Variants in OR7G3 observed in about 807,000 individuals in gnomAD.
The protein encoded by OR7G3 is olfactory receptor family 7 subfamily G member 3, also known as olfactory receptor 7G3.
For synonymous variants in OR7G3, 143 were observed against 157.6 expected, an observed-to-expected ratio of 0.91 and a Z score of 0.69; for missense variants, 352 against 372.1, an observed-to-expected ratio of 0.95 and a Z score of 0.44.
chr19:9,126,893 C>A lies in OR7G3; in HGVS notation c.58G>T (p.Asp20Tyr). Residue 20 changes from aspartate to tyrosine, a missense_variant, in exon 1 of 1, where the codon GAT becomes TAT. Coordinates refer to ENST00000305444, the MANE Select transcript of OR7G3 (RefSeq NM_001001958.1). ...AAGAGGATGGGCTGCAGCTCCGGAT[C>A]CCCTGACAATCCCAAGAGAAAGAAT... ...PEFFLLGLSG[D>Y]PELQPILFML... 6.2e-7 allele frequency: 1 copy of A among 1,609,822 alleles called. No individual in the cohort carries two copies. The highest frequency in any genetic ancestry group is 8.5e-7 in the Non-Finnish European group (1 of 1,177,916).
rs17001893 is a variant in OR7G3 at position 9,126,587 on chromosome 19, G to A, written c.364C>T (p.Arg122Ter). Residue 122 changes from arginine (R) to a stop codon, truncating the protein, a stop_gained, in exon 1 of 1, where the codon CGA (arginine) becomes TGA (stop). Transcript: ENST00000305444. LOFTEE classifies it low-confidence loss of function (END_TRUNC). The stretch of plus-strand genomic sequence containing the variant: ...AGTGGGTGACAGATGGCCACAAATC[G>A]ATCATAGGCCATCATGACCAGAATT... The part of the protein sequence containing the change: ...NGILVMMAYD[R>*]FVAICHPLRY... The A allele has an allele frequency of 3.3e-3, 5,371 of 1,614,020 alleles. 148 individuals carry two copies. In the African/African-American group the frequency reaches 0.062, roughly 19 times the overall value.
chr19:9,126,389 CG>C lies in OR7G3; in HGVS notation c.561del (p.Ala188ProfsTer15), dbSNP rs770815327. ...FFCELAHILK[L>X]ACSDVLINNI... ...TTATTGATGAGGACATCAGAACAGG[CG>C]AGCTTGAGAATATGAGCTAGTTCAC... On this transcript the variant is annotated frameshift_variant, in exon 1 of 1. Coordinates refer to ENST00000305444, the MANE Select transcript of OR7G3 (RefSeq NM_001001958.1). LOFTEE classifies it low-confidence loss of function (END_TRUNC). 2 of 1,613,904 alleles carry C rather than the reference CG, an allele frequency of 1.2e-6. No homozygotes were observed. The highest frequency in any genetic ancestry group is 2.7e-5 in the African/African-American group (2 of 74,880).
chr19:9,126,865 A>G lies in OR7G3; in HGVS notation c.86T>C (p.Met29Thr), dbSNP rs914911297. Residue 29 changes from methionine to threonine, a missense_variant, in exon 1 of 1, where the codon ATG becomes ACG. Met to Thr is a moderately conservative substitution (Grantham distance 81, BLOSUM62 -1). Coordinates refer to ENST00000305444, the MANE Select transcript of OR7G3 (RefSeq NM_001001958.1). Reference sequence around the variant, plus strand: ...GGCCAGGTACATGGACAGGAACAGCATGAAGAGGATGGGCTGCAGCTCCGG... The same window carrying G: ...GGCCAGGTACATGGACAGGAACAGCGTGAAGAGGATGGGCTGCAGCTCCGG... ...GDPELQPILF[M>T]LFLSMYLATM... The G allele has an allele frequency of 6.2e-7, 1 of 1,613,750 alleles. No individual in the cohort carries two copies. Among genetic ancestry groups the G allele is most frequent in the African/African-American group, 1.3e-5 (1 of 74,908 alleles).
Position 9,126,197 on chromosome 19 carries a change from A to G in OR7G3, c.754T>C (p.Tyr252His). The change falls in exon 1 of 1, where the codon TAT becomes CAT. Residue 252 changes from tyrosine (Y) to histidine (H), a missense_variant. Physicochemically the swap from Tyr to His is moderately conservative, Grantham distance 83. Transcript: ENST00000305444. ...AGGTACACCCCAAACCCTGTTCCAT[A>G]AAACAAGGAAACAACGATTAAATGT... ...GSHLIVVSLF[Y>H]GTGFGVYLSS... 4 of 1,614,170 alleles carry G rather than the reference A, an allele frequency of 2.5e-6. No individual in the cohort carries two copies. In the South Asian group the frequency reaches 3.3e-5, roughly 13 times the overall value.
chr19:9,126,625 C>T lies in OR7G3; in HGVS notation c.326G>A (p.Gly109Glu), dbSNP rs368505350. The change falls in exon 1 of 1, where the codon GGA (glycine) becomes GAA (glutamate). Residue 109 changes from glycine to glutamate, a missense_variant. Physicochemically the swap from Gly to Glu is moderately conservative, Grantham distance 98. Transcript: ENST00000305444. Reference protein sequence around the residue: ...TQICFVLVFVGLENGILVMMA... With the variant: ...TQICFVLVFVELENGILVMMA... ...CATGACCAGAATTCCATTTTCCAAT[C>T]CAACAAAAACCAGGACAAAGCAGAT... 1.9e-6 allele frequency: 3 copies of T among 1,614,012 alleles called. No individual in the cohort carries two copies. The highest frequency in any genetic ancestry group is 2.7e-5 in the African/African-American group (2 of 74,904).
At position 9,126,228 on chromosome 19, in the gene OR7G3, G is replaced by A. The variant is rs143566600; in HGVS notation, c.723C>T (p.Cys241=). The part of the protein sequence containing the change: ...AGGKYKAFSI[C]GSHLIVVSLF... ...AGGAAACAACGATTAAATGTGACCCGCAGATGGAAAAAGCTTTATACTTTC... is the reference window on the plus strand; with the variant it reads ...AGGAAACAACGATTAAATGTGACCCACAGATGGAAAAAGCTTTATACTTTC... The change falls in exon 1 of 1, where the codon TGC becomes TGT. Residue 241 remains cysteine (C), a synonymous_variant. Transcript: ENST00000305444. 2.2e-4 allele frequency: 353 copies of A among 1,613,114 alleles called. No individual in the cohort carries two copies. The highest frequency in any genetic ancestry group is 2.8e-4 in the Non-Finnish European group (335 of 1,179,800).
Position 9,126,196 on chromosome 19 carries a change from T to C in OR7G3, c.755A>G (p.Tyr252Cys). 6 of 1,614,086 alleles carry C rather than the reference T, an allele frequency of 3.7e-6. No homozygotes were observed. The highest frequency in any genetic ancestry group is 5.1e-6 in the Non-Finnish European group (6 of 1,180,022). ...GSHLIVVSLF[Y>C]GTGFGVYLSS... The stretch of plus-strand genomic sequence containing the variant: ...AAGGTACACCCCAAACCCTGTTCCA[T>C]AAAACAAGGAAACAACGATTAAATG... The change falls in exon 1 of 1, where the codon TAT becomes TGT. Residue 252 changes from tyrosine (Y) to cysteine (C), a missense_variant. Coordinates refer to ENST00000305444, the MANE Select transcript of OR7G3 (RefSeq NM_001001958.1).
chr19:9,126,726 G>A lies in OR7G3; in HGVS notation c.225C>T (p.Ser75=). 1 of 1,613,940 alleles carries A rather than the reference G, an allele frequency of 6.2e-7. No homozygotes were observed. Among genetic ancestry groups the A allele is most frequent in the Non-Finnish European group, 8.5e-7 (1 of 1,179,864 alleles). The change falls in exon 1 of 1, where the codon TCC becomes TCT. Residue 75 remains serine (S), a synonymous_variant. Coordinates refer to ENST00000305444, the MANE Select transcript of OR7G3 (RefSeq NM_001001958.1). The stretch of plus-strand genomic sequence containing the variant: ...TCACCAGCATCTTGGGCATCGTGGT[G>A]GAGGTGAAACAGATGTCGACCAAGG... The part of the protein sequence containing the change: ...ILSLVDICFT[S]TTMPKMLVNI...
In OR7G3 at chr19:9,126,634, A is replaced by C. The variant is rs774946060; in HGVS notation, c.317T>G (p.Val106Gly). The C allele has an allele frequency of 2.4e-5, 39 of 1,613,976 alleles. No homozygotes were observed. The highest frequency in any genetic ancestry group is 3.2e-5 in the Non-Finnish European group (38 of 1,180,020). ...GCLTQICFVLVFVGLENGILV... is the reference protein window; with the variant it reads ...GCLTQICFVLGFVGLENGILV... Reference sequence around the variant, plus strand: ...AATTCCATTTTCCAATCCAACAAAAACCAGGACAAAGCAGATTTGGGTGAG... The same window carrying C: ...AATTCCATTTTCCAATCCAACAAAACCCAGGACAAAGCAGATTTGGGTGAG... The change falls in exon 1 of 1, where the codon GTT becomes GGT. Residue 106 changes from valine to glycine, a missense_variant. Physicochemically the swap from Val to Gly is moderately radical, Grantham distance 109 (BLOSUM62 -3). Coordinates refer to ENST00000305444, the MANE Select transcript of OR7G3 (RefSeq NM_001001958.1).
rs531567500 is a variant in OR7G3, at chr19:9,126,782, TGTGGAG to T, written c.163_168del (p.Leu55_His56del). Reference sequence around the variant, plus strand: ...ATAGAGAGGAGGAAGTACATGGGGGTGTGGAGGTGGGAGTCAGAGTTGACGGCCAGG... The same window carrying T: ...ATAGAGAGGAGGAAGTACATGGGGGTGTGGGAGTCAGAGTTGACGGCCAGG... On this transcript the variant is annotated inframe_deletion, in exon 1 of 1. Coordinates refer to ENST00000305444, the MANE Select transcript of OR7G3 (RefSeq NM_001001958.1). 363 of 1,612,668 alleles carry T rather than the reference TGTGGAG, an allele frequency of 2.3e-4. No individual in the cohort carries two copies. Among genetic ancestry groups the T allele is most frequent in the Non-Finnish European group, 3.0e-4 (348 of 1,179,420 alleles).
Position 9,126,104 on chromosome 19 carries a change from G to C in OR7G3, c.847C>G (p.Pro283Ala). 1 of 1,614,074 alleles carries C rather than the reference G, an allele frequency of 6.2e-7. No homozygotes were observed. Among genetic ancestry groups the C allele is most frequent in the East Asian group, 2.2e-5 (1 of 44,874 alleles). ...CTGTAAATGAGTGGGTTCAGCATGG[G>C]GGTGACCACGGTATACATCACTGAT... The part of the protein sequence containing the change: ...IASVMYTVVT[P>A]MLNPLIYSLR... Residue 283 changes from proline (P) to alanine (A), a missense_variant, in exon 1 of 1, where the codon CCC (proline) becomes GCC (alanine). By Grantham distance (27) the Pro-to-Ala change is conservative. Coordinates refer to ENST00000305444, the MANE Select transcript of OR7G3 (RefSeq NM_001001958.1).
rs763008026 is a variant in OR7G3 at position 9,126,113 on chromosome 19, C to T, written c.838G>A (p.Val280Met). 5.6e-6 allele frequency: 9 copies of T among 1,613,984 alleles called. No homozygotes were observed. The highest frequency in any genetic ancestry group is 4.5e-5 in the East Asian group (2 of 44,896). Residue 280 changes from valine to methionine, a missense_variant, in exon 1 of 1, where the codon GTG becomes ATG. By Grantham distance (21) the Val-to-Met change is conservative. Transcript: ENST00000305444. ...KGAIASVMYTVVTPMLNPLIY... is the reference protein window; with the variant it reads ...KGAIASVMYTMVTPMLNPLIY... ...AGTGGGTTCAGCATGGGGGTGACCA[C>T]GGTATACATCACTGATGCTATTGCA...
chr19:9,126,891 A>G lies in OR7G3; in HGVS notation c.60T>C (p.Asp20=). Residue 20 remains aspartate (D), a synonymous_variant, in exon 1 of 1, where the codon GAT becomes GAC. Transcript: ENST00000305444. ...PEFFLLGLSG[D]PELQPILFML... The stretch of plus-strand genomic sequence containing the variant: ...TGAAGAGGATGGGCTGCAGCTCCGG[A>G]TCCCCTGACAATCCCAAGAGAAAGA... The G allele has an allele frequency of 6.2e-7, 1 of 1,610,442 alleles. No individual in the cohort carries two copies. Among genetic ancestry groups the G allele is most frequent in the Non-Finnish European group, 8.5e-7 (1 of 1,178,234 alleles).
In OR7G3 at chr19:9,126,308, T is replaced by G. The variant is rs779628562; in HGVS notation, c.643A>C (p.Ile215Leu). Residue 215 changes from isoleucine (I) to leucine (L), a missense_variant, in exon 1 of 1, where the codon ATT (isoleucine) becomes CTT (leucine). Physicochemically the swap from Ile to Leu is conservative, Grantham distance 5 (BLOSUM62 2). Transcript: ENST00000305444. ...LLGVVPLSGIIFSYTRIVSSV... is the reference protein window; with the variant it reads ...LLGVVPLSGILFSYTRIVSSV... ...GAGACAATTCGTGTGTAAGAGAAAA[T>G]GATCCCAGAGAGAGGAACAACACCT... The G allele has an allele frequency of 6.2e-7, 1 of 1,613,974 alleles. No individual in the cohort carries two copies. Among genetic ancestry groups the G allele is most frequent in the Non-Finnish European group, 8.5e-7 (1 of 1,179,994 alleles).
At position 9,126,721 on chromosome 19, in the gene OR7G3, G is replaced by A. The variant is rs1321181151; in HGVS notation, c.230C>T (p.Thr77Met). 1.9e-6 allele frequency: 3 copies of A among 1,614,118 alleles called. No homozygotes were observed. The highest frequency in any genetic ancestry group is 1.7e-5 in the Admixed American group (1 of 60,002). Reference protein sequence around the residue: ...SLVDICFTSTTMPKMLVNIQA... With the variant: ...SLVDICFTSTMMPKMLVNIQA... ...GATGTTCACCAGCATCTTGGGCATC[G>A]TGGTGGAGGTGAAACAGATGTCGAC... Residue 77 changes from threonine (T) to methionine (M), a missense_variant, in exon 1 of 1, where the codon ACG becomes ATG. Physicochemically the swap from Thr to Met is moderately conservative, Grantham distance 81 (BLOSUM62 -1). Transcript: ENST00000305444.
In OR7G3 at chr19:9,126,339, G is replaced by C; in HGVS notation, c.612C>G (p.Ser204Arg). The change falls in exon 1 of 1, where the codon AGC becomes AGG. Residue 204 changes from serine to arginine, a missense_variant. Ser to Arg is a moderately radical substitution (Grantham distance 110). Transcript: ENST00000305444. ...CAGAGAGAGGAACAACACCTAACAG[G>C]CTGGTCACCAAATACACCAGGATGT... ...INNILVYLVT[S>R]LLGVVPLSGI... 6.2e-7 allele frequency: 1 copy of C among 1,613,908 alleles called. No homozygotes were observed. The highest frequency in any genetic ancestry group is 2.2e-5 in the East Asian group (1 of 44,900).
rs1159286647 is a variant in OR7G3, at chr19:9,126,779, G to A, written c.172C>T (p.Pro58Ser). 6 of 1,613,932 alleles carry A rather than the reference G, an allele frequency of 3.7e-6. No homozygotes were observed. Among genetic ancestry groups the A allele is most frequent in the Non-Finnish European group, 5.1e-6 (6 of 1,179,880 alleles). Residue 58 changes from proline (P) to serine (S), a missense_variant, in exon 1 of 1, where the codon CCC becomes TCC. Coordinates refer to ENST00000305444, the MANE Select transcript of OR7G3 (RefSeq NM_001001958.1). ...AGGATAGAGAGGAGGAAGTACATGGGGGTGTGGAGGTGGGAGTCAGAGTTG... is the reference window on the plus strand; with the variant it reads ...AGGATAGAGAGGAGGAAGTACATGGAGGTGTGGAGGTGGGAGTCAGAGTTG... ...AVNSDSHLHT[P>S]MYFLLSILSL...
In OR7G3 at chr19:9,126,387, G is replaced by C; in HGVS notation, c.564C>G (p.Ala188=). ...FCELAHILKL[A]CSDVLINNIL... ...TGTTATTGATGAGGACATCAGAACA[G>C]GCGAGCTTGAGAATATGAGCTAGTT... is the stretch of plus-strand genomic sequence containing the variant. Residue 188 remains alanine, a synonymous_variant, in exon 1 of 1, where the codon GCC becomes GCG. Transcript: ENST00000305444. 1 of 1,614,138 alleles carries C rather than the reference G, an allele frequency of 6.2e-7. No individual in the cohort carries two copies. The highest frequency in any genetic ancestry group is 8.5e-7 in the Non-Finnish European group (1 of 1,179,984).
At position 9,126,437 on chromosome 19, in the gene OR7G3, G is replaced by C. The variant is rs147006672; in HGVS notation, c.514C>G (p.Leu172Val). Residue 172 changes from leucine to valine, a missense_variant, in exon 1 of 1, where the codon CTG becomes GTG. Transcript: ENST00000305444. The part of the protein sequence containing the change: ...MVLQLTFCID[L>V]EIPHFFCELA... Reference sequence around the variant, plus strand: ...TCACAGAAAAAGTGGGGAATTTCCAGGTCTATGCAGAAGGTCAGCTGTAGC... The same window carrying C: ...TCACAGAAAAAGTGGGGAATTTCCACGTCTATGCAGAAGGTCAGCTGTAGC... 3.8e-5 allele frequency: 61 copies of C among 1,614,116 alleles called. No individual in the cohort carries two copies. In the African/African-American group the frequency reaches 7.1e-4, roughly 19 times the overall value.
Sources: gnomAD v4.1 joint callset for allele counts on GRCh38, gnomAD v4.1.1 for gene constraint, MANE v1.5 for transcripts, NCBI Gene and HGNC (gene_info 2026-07-23, HGNC 2026-07-21) for gene names.